FAM186A: variants seen among roughly 807,000 people sequenced by gnomAD.
The protein encoded by FAM186A is family with sequence similarity 186 member A, also known as protein FAM186A.
Under a neutral mutation model 216.8 loss-of-function variants are expected in FAM186A, and 163 were observed. The ratio of observed to expected loss-of-function variants is 0.75; its 90% CI spans 0.66 to 0.86. The LOEUF is 0.86. Among genes scored for constraint, FAM186A ranks in the 40% least tolerant of loss-of-function variants. The pLI is 0.00. For missense variants in FAM186A, 2,184 were observed against 2,746.2 expected (o/e 0.80, Z 4.58); for synonymous variants, 805 against 1,025.3 (o/e 0.79, Z 4.10).
In FAM186A at chr12:50,396,312, T is replaced by C. The variant is rs1943412257; in HGVS notation, c.173A>G (p.Gln58Arg). 1.3e-6 allele frequency: 2 copies of C among 1,544,270 alleles called. No homozygotes were observed. The highest frequency in any genetic ancestry group is 1.7e-6 in the Non-Finnish European group (2 of 1,144,388). ...KDIISRIERA[Q>R]LHRAREDIDM... ...ACCTACCTCTCTGGCTCGATGGAGC[T>C]GTGCGCGCTCAATCCTAGAGATGAT... Residue 58 changes from glutamine to arginine, a missense_variant, in exon 1 of 8, where the codon CAG (glutamine) becomes CGG (arginine). Around this residue, in one of 7 missense-constraint regions of FAM186A, gnomAD observed 1,132 missense variants for 1,263.4 expected, o/e 0.90. Transcript: ENST00000327337.
chr12:50,327,535 T>A, intron 7 of FAM186A, 131 bp from the exon 8 acceptor site: 1 of 627,096 alleles, frequency 1.6e-6, no homozygotes, highest in Non-Finnish European at 2.8e-6. Flanking sequence ...AATCTGTATG[T>A]AATCCTTTTT....
At chr12:50,373,388 C>T (rs1487616359) in intron 1 of FAM186A, among the ~76,000 whole-genome samples, 1 of 152,114 alleles carries the variant, frequency 6.6e-6, no homozygotes, top group African/African-American at 2.4e-5. Flanking sequence ...CAGAGTAAGA[C>T]TCCATCTCAA....
At chr12:50,387,719 A>T (rs1050620282) in intron 1 of FAM186A, among the ~76,000 whole-genome samples, 2 of 152,140 alleles carry the variant, frequency 1.3e-5, no homozygotes, top group African/African-American at 4.8e-5. Context: ...TCCTTACTGT[A>T]CACAAGGCTG....
intron 1 of FAM186A, among the ~76,000 whole-genome samples, chr12:50,383,860 C>T (rs1204723180): frequency 5.9e-5 from 9 of 152,148 alleles, no homozygotes; most frequent in African/African-American, 2.2e-4. Flanking sequence ...TAGTTCATGC[C>T]TGTAATCCCA....
At chr12:50,371,732 G>T (rs1943143751) in intron 1 of FAM186A, among the ~76,000 whole-genome samples, 1 of 151,960 alleles carries the variant, frequency 6.6e-6, no homozygotes, top group Non-Finnish European at 1.5e-5. Context: ...ATAATGTATG[G>T]CAATATATAT....
chr12:50,379,109 G>T (rs566220338), intron 1 of FAM186A, among the ~76,000 whole-genome samples: 1 of 151,510 alleles, frequency 6.6e-6, no homozygotes. Flanking sequence ...GTTTGAGACC[G>T]GCCTGGCCAA....
chr12:50,330,704 G>T lies in FAM186A; in HGVS notation c.6903C>A (p.Ser2301Arg). 6.5e-7 allele frequency: 1 copy of T among 1,545,792 alleles called. No individual in the cohort carries two copies. Among genetic ancestry groups the T allele is most frequent in the Non-Finnish European group, 8.7e-7 (1 of 1,144,780 alleles). The change falls in exon 7 of 8, where the codon AGC becomes AGA. Residue 2301 changes from serine to arginine, a missense_variant. By Grantham distance (110) the Ser-to-Arg change is moderately radical. Transcript: ENST00000327337. Reference protein sequence around the residue: ...AIWNVDLSTSSYPIAEKTSMH... With the variant: ...AIWNVDLSTSRYPIAEKTSMH... ...TAGATGTCTTCTCTGCTATTGGGTAGCTTGAAGTGGACAGATCAACATTCC... is the reference window on the plus strand; with the variant it reads ...TAGATGTCTTCTCTGCTATTGGGTATCTTGAAGTGGACAGATCAACATTCC...
rs1378849070 is a variant in FAM186A at position 50,354,401 on chromosome 12, C to T, written c.2431G>A (p.Val811Ile). The T allele has an allele frequency of 2.6e-6, 4 of 1,551,382 alleles. No individual in the cohort carries two copies. Among genetic ancestry groups the T allele is most frequent in the Non-Finnish European group, 3.5e-6 (4 of 1,146,996 alleles). The stretch of plus-strand genomic sequence containing the variant: ...TCCTTCTCCTTGTGGTCTTTCTGTA[C>T]TGTTGAGACTGTTGGAATATCTCTT... The part of the protein sequence containing the change: ...SERDIPTVST[V>I]QKDHKEKEKQ... The change falls in exon 4 of 8, where the codon GTA becomes ATA. Residue 811 changes from valine to isoleucine, a missense_variant. Coordinates refer to ENST00000327337, the MANE Select transcript of FAM186A (RefSeq NM_001145475.3).
Position 50,354,478 on chromosome 12 carries a change from T to C in FAM186A, c.2354A>G (p.Asp785Gly). Residue 785 changes from aspartate to glycine, a missense_variant, in exon 4 of 8, where the codon GAT becomes GGT. By Grantham distance (94) the Asp-to-Gly change is moderately conservative (BLOSUM62 -1). Coordinates refer to ENST00000327337, the MANE Select transcript of FAM186A (RefSeq NM_001145475.3). Reference protein sequence around the residue: ...SSTLLSYESTDPVINNLIQMI... With the variant: ...SSTLLSYESTGPVINNLIQMI... ...TTGTATTAAATTGTTAATTACTGGA[T>C]CTGTGCTCTCATATGAGAGGAGGGT... 6.4e-7 allele frequency: 1 copy of C among 1,551,660 alleles called. No homozygotes were observed. The highest frequency in any genetic ancestry group is 8.7e-7 in the Non-Finnish European group (1 of 1,147,008).
chr12:50,373,217 T>C (rs1412066249), intron 1 of FAM186A, among the ~76,000 whole-genome samples: 1 of 151,902 alleles, frequency 6.6e-6, no homozygotes, highest in Non-Finnish European at 1.5e-5. Flanking sequence ...GCCCACATAG[T>C]GAAACCCCGT....
At chr12:50,329,837 C>T (rs1942639492) in intron 7 of FAM186A, among the ~76,000 whole-genome samples, 1 of 152,138 alleles carries the variant, frequency 6.6e-6, no homozygotes, top group South Asian at 2.1e-4. Flanking sequence ...CTCAGGCGAT[C>T]CACCCGCCTC....
intron 1 of FAM186A, among the ~76,000 whole-genome samples, chr12:50,368,337 C>T (rs10783356): frequency 0.97 from 147,507 of 151,980 alleles, 71,731 homozygotes; most frequent in East Asian, 1. Context: ...GAGGTGGATC[C>T]TGTAGTGAGC....
At chr12:50,391,376 C>T (rs1429761947) in intron 1 of FAM186A, among the ~76,000 whole-genome samples, 6 of 148,102 alleles carry the variant, frequency 4.1e-5, no homozygotes, top group East Asian at 4.1e-4. Flanking sequence ...AGTGCAGTGG[C>T]GCGATCTTGG....
Position 50,354,634 on chromosome 12 carries a change from A to C in FAM186A, c.2198T>G (p.Leu733Trp). 6.5e-7 allele frequency: 1 copy of C among 1,546,998 alleles called. No individual in the cohort carries two copies. The highest frequency in any genetic ancestry group is 1.7e-4 in the Middle Eastern group (1 of 5,984). Residue 733 changes from leucine (L) to tryptophan (W), a missense_variant, in exon 4 of 8, where the codon TTG (leucine) becomes TGG (tryptophan). Around this residue, in one of 7 missense-constraint regions of FAM186A, gnomAD observed 1,132 missense variants for 1,263.4 expected, o/e 0.90. Transcript: ENST00000327337. ...QKVAETVTKI[L>W]RKYKDTKKEE... is the part of the protein sequence containing the mutation. ...CTTTTTTGTATCTTTGTATTTTCTC[A>C]AGATTTTAGTCACAGTTTCAGCCAC...
intron 1 of FAM186A, among the ~76,000 whole-genome samples, chr12:50,384,000 C>T (rs1268640104): frequency 6.6e-6 from 1 of 151,984 alleles, no homozygotes; most frequent in Non-Finnish European, 1.5e-5. Flanking sequence ...TGCCTATAGT[C>T]CCAGCTACTC....
At position 50,353,940 on chromosome 12, in the gene FAM186A, T is replaced by A; in HGVS notation, c.2892A>T (p.Lys964Asn). The A allele has an allele frequency of 6.4e-7, 1 of 1,553,714 alleles. No individual in the cohort carries two copies. Among genetic ancestry groups the A allele is most frequent in the Non-Finnish European group, 8.7e-7 (1 of 1,148,200 alleles). Residue 964 changes from lysine to asparagine, a missense_variant, in exon 4 of 8, where the codon AAA becomes AAT. Physicochemically the swap from Lys to Asn is moderately conservative, Grantham distance 94 (BLOSUM62 0). This residue lies in a region of FAM186A where 1,132 missense variants were observed against 1,263.4 expected (regional missense o/e 0.90). Coordinates refer to ENST00000327337, the MANE Select transcript of FAM186A (RefSeq NM_001145475.3). ...KHLGPHRRRE[K>N]GKEKQKPERG... is the part of the protein sequence containing the mutation. ...TCTCTGGCTTCTGCTTTTCCTTCCCTTTCTCCCTTCTCCTGTGTGGCCCCA... is the reference window on the plus strand; with the variant it reads ...TCTCTGGCTTCTGCTTTTCCTTCCCATTCTCCCTTCTCCTGTGTGGCCCCA...
chr12:50,388,133 C>G (rs904386775), intron 1 of FAM186A, among the ~76,000 whole-genome samples: 3 of 152,140 alleles, frequency 2.0e-5, no homozygotes, highest in South Asian at 2.1e-4. Context: ...GCTTTCCCCA[C>G]CCCTGAAGGT....
At chr12:50,367,800 G>A (rs1432922506) in intron 1 of FAM186A, among the ~76,000 whole-genome samples, 1 of 151,920 alleles carries the variant, frequency 6.6e-6, no homozygotes, top group African/African-American at 2.4e-5. Flanking sequence ...CACTAACACT[G>A]AGCAATATGA....
intron 1 of FAM186A, among the ~76,000 whole-genome samples, chr12:50,364,073 G>A (rs1943063929): frequency 6.6e-6 from 1 of 152,120 alleles, no homozygotes; most frequent in Non-Finnish European, 1.5e-5. Flanking sequence ...TAATTGTGAG[G>A]ATGGACTACT....
Sources: allele counts gnomAD v4.1 joint callset (sites outside exome capture counted in the v4.1 genomes callset), GRCh38; gene constraint gnomAD v4.1.1; regional missense constraint gnomAD v4.1.1; transcripts MANE v1.5; gene names NCBI Gene and HGNC (gene_info 2026-07-23, HGNC 2026-07-21).